The following INTS3 variants were observed in gnomAD, a reference collection of about 807,000 sequenced individuals.
INTS3 encodes the protein SOSS complex subunit A.
Under a neutral mutation model 146.3 loss-of-function variants are expected in INTS3, and 34 were observed. The ratio of observed to expected loss-of-function variants is 0.23; its 90% CI spans 0.18 to 0.31. The LOEUF (loss-of-function observed/expected upper bound fraction) is 0.31, where lower values mean the gene tolerates loss of function less well. INTS3 is among the 10% of genes least tolerant of loss of function. The probability of loss-of-function intolerance (pLI) is 1.00; values close to 1 mark genes in which losing one functional copy is unlikely to be tolerated. For synonymous variants in INTS3, 475 were observed against 494.9 expected, an observed-to-expected ratio of 0.96 and a Z score of 0.53; for missense variants, 757 against 1,304.2, an observed-to-expected ratio of 0.58 and a Z score of 6.46.
chr1:153,759,840 C>G, intron 11 of INTS3: 1 of 564,392 alleles, frequency 1.8e-6, no homozygotes, highest in Non-Finnish European at 3.1e-6. Context: ...GATGCATGGT[C>G]TTCAGGAGGG....
Position 153,772,078 on chromosome 1 carries a change from G to A in INTS3, c.2720+115G>A. ...TGGGGGTCAGTGCTGTCCCAGCCTG[G>A]TTTGTGGGCGACATCTAGTGGTCCG... is the stretch of plus-strand genomic sequence containing the variant. On this transcript the variant is annotated intron_variant, in intron 26 of 29. Transcript: ENST00000318967. The surrounding 1 kb of genome is among the most constrained non-coding windows in gnomAD (Gnocchi z 4.6). 2.5e-6 allele frequency: 3 copies of A among 1,185,884 alleles called. No individual in the cohort carries two copies. The highest frequency in any genetic ancestry group is 3.5e-6 in the Non-Finnish European group (3 of 853,638). 73.5% of individuals were successfully genotyped at this position (1,185,884 alleles called of 1,614,324 possible). A position where few individuals can be genotyped will look rare whatever the true frequency, so the allele number is the denominator to read the frequency against.
chr1:153,767,636 G>A, intron 20 of INTS3, 38 bp from the exon 21 acceptor site: 1 of 1,527,302 alleles, frequency 6.5e-7, no homozygotes, highest in East Asian at 2.4e-5. Flanking sequence ...GTGGGCACTG[G>A]GGTCAGGCTG....
At chr1:153,767,499 C>T in intron 20 of INTS3, 175 bp from the exon 21 acceptor site, 1 of 532,910 alleles carries the variant, frequency 1.9e-6, no homozygotes, top group Non-Finnish European at 3.2e-6. Flanking sequence ...AGAGTATCCC[C>T]TGGTTCCCCT....
At chr1:153,731,018 A>G (rs528838556) in intron 1 of INTS3, among the ~76,000 whole-genome samples, 4 of 152,142 alleles carry the variant, frequency 2.6e-5, no homozygotes, top group South Asian at 2.1e-4. Context: ...TTATTTTCCC[A>G]TCACAGACCT....
At chr1:153,735,421 A>G (rs913712058) in intron 1 of INTS3, among the ~76,000 whole-genome samples, 2 of 152,214 alleles carry the variant, frequency 1.3e-5, no homozygotes, top group Non-Finnish European at 1.5e-5. Context: ...GATTAGCCTA[A>G]GGCTGGCAAG....
chr1:153,762,565 A>T (rs1040486596), intron 14 of INTS3, among the ~76,000 whole-genome samples, 163 bp from the exon 15 acceptor site: 3 of 152,186 alleles, frequency 2.0e-5, no homozygotes, highest in Admixed American at 2.0e-4. Context: ...GGTTGTGAGG[A>T]CAAGAGGTTT....
At position 153,772,204 on chromosome 1, in the gene INTS3, C is replaced by A; in HGVS notation, c.2721-136C>A. ...TCTAGGCACACCTTTCTCACCCAAC[C>A]CCAGCCCTCCCAGGCTGCCTATCCT... On this transcript the variant is annotated intron_variant, in intron 26 of 29. Coordinates refer to ENST00000318967, the MANE Select transcript of INTS3 (RefSeq NM_023015.5). This position sits in a 1 kb window ranked among gnomAD's most constrained non-coding sequence, Gnocchi z 4.6. 1 of 1,072,884 alleles carries A rather than the reference C, an allele frequency of 9.3e-7. No homozygotes were observed. The highest frequency in any genetic ancestry group is 1.4e-6 in the Non-Finnish European group (1 of 737,700). The allele number at this position is 1,072,884 out of a possible 1,614,324, so 66.5% of individuals were successfully genotyped here.
At position 153,772,857 on chromosome 1, in the gene INTS3, G is replaced by C. The variant is rs1344658928; in HGVS notation, c.2895-68G>C. 6.2e-7 allele frequency: 1 copy of C among 1,604,034 alleles called. No homozygotes were observed. Among genetic ancestry groups the C allele is most frequent in the Admixed American group, 1.7e-5 (1 of 59,716 alleles). ...AAGAAGGCCTAGGCCTGGGGGCAGA[G>C]AAGAGGATGGGAGGTGCCGTAGGAG... On this transcript the variant is annotated intron_variant, in intron 28 of 29. Coordinates refer to ENST00000318967, the MANE Select transcript of INTS3 (RefSeq NM_023015.5). This position sits in a 1 kb window ranked among gnomAD's most constrained non-coding sequence, Gnocchi z 4.6.
In INTS3 at chr1:153,773,094, C is replaced by A; in HGVS notation, c.3051+13C>A. The A allele has an allele frequency of 6.2e-7, 1 of 1,614,138 alleles. No individual in the cohort carries two copies. The highest frequency in any genetic ancestry group is 1.1e-5 in the South Asian group (1 of 91,084). On this transcript the variant is annotated intron_variant, in intron 29 of 29. Coordinates refer to ENST00000318967, the MANE Select transcript of INTS3 (RefSeq NM_023015.5). Reference sequence around the variant, plus strand: ...CAGCAGTGCTTCAGTGAGAACCCAGCCAGTGCACAGGGGGAAAAGGAGCAC... The same window carrying A: ...CAGCAGTGCTTCAGTGAGAACCCAGACAGTGCACAGGGGGAAAAGGAGCAC...
Position 153,728,607 on chromosome 1 carries a change from G to C in INTS3, c.-28G>C, listed in dbSNP as rs750230602. 2 of 1,592,088 alleles carry C rather than the reference G, an allele frequency of 1.3e-6. No individual in the cohort carries two copies. Among genetic ancestry groups the C allele is most frequent in the South Asian group, 2.2e-5 (2 of 89,714 alleles). ...AGGACTGTCCATCCATCCACTCCCT[G>C]ACCTTTTCCCGGCTCCTGGCTGCAG... is the stretch of plus-strand genomic sequence containing the variant. On this transcript the variant is annotated 5_prime_UTR_variant, in exon 1 of 30. Transcript: ENST00000318967.
chr1:153,764,094 T>C, intron 17 of INTS3, 24 bp from the exon 18 acceptor site: 2 of 1,586,034 alleles, frequency 1.3e-6, no homozygotes, highest in Non-Finnish European at 1.7e-6. Context: ...GTAGTGACTC[T>C]CCCTCCCTTG....
chr1:153,731,577 C>CTTTTTTTTTTTTT (rs1491428244), intron 1 of INTS3, among the ~76,000 whole-genome samples: 1 of 129,230 alleles, frequency 7.7e-6, no homozygotes, highest in Non-Finnish European at 1.6e-5. Flanking sequence ...CAAGAGCGTC[C>CTTTTTTTTTTTTT]TCTTTTTTTT....
chr1:153,748,398 T>A, intron 5 of INTS3: 1 of 425,096 alleles, frequency 2.4e-6, no homozygotes, highest in East Asian at 4.7e-5. Context: ...TTATATCTAC[T>A]TCTCAGACGT....
chr1:153,752,440 G>A, intron 8 of INTS3, 32 bp downstream of exon 8: 1 of 1,591,110 alleles, frequency 6.3e-7, no homozygotes, highest in Non-Finnish European at 8.5e-7. Context: ...CTGTCCTTGA[G>A]AGCTGGGAGT....
intron 8 of INTS3, 122 bp downstream of exon 8, chr1:153,752,530 C>A: frequency 9.8e-7 from 1 of 1,023,574 alleles, no homozygotes; most frequent in Non-Finnish European, 1.4e-6. Flanking sequence ...TTTAGGAAGC[C>A]TGGGACAGGG....
chr1:153,728,712 G>A lies in INTS3; in HGVS notation c.78G>A (p.Ala26=), dbSNP rs150819290. 8.6e-3 allele frequency: 13,844 copies of A among 1,609,402 alleles called. 101 individuals are homozygous for A. The highest frequency in any genetic ancestry group is 9.1e-3 in the Non-Finnish European group (10,737 of 1,177,732). The change falls in exon 1 of 30, where the codon GCG becomes GCA. Residue 26 remains alanine (A), a synonymous_variant. Coordinates refer to ENST00000318967, the MANE Select transcript of INTS3 (RefSeq NM_023015.5). ...SGAAGGGGGG[A]GAGAPGGGRL... ...CAGCGGGAGGTGGAGGAGGAGGAGC[G>A]GGAGCAGGAGCCCCAGGAGGGGGGA... is the stretch of plus-strand genomic sequence containing the variant.
chr1:153,773,604 A>C lies in INTS3; in HGVS notation c.*334A>C. ...CGCAATCTCCTCCCCCAGTCTCCCA[A>C]AGAGCCATTTCAACAGAGAAGGGAA... is the stretch of plus-strand genomic sequence containing the variant. On this transcript the variant is annotated 3_prime_UTR_variant, in exon 30 of 30. Coordinates refer to ENST00000318967, the MANE Select transcript of INTS3 (RefSeq NM_023015.5). The C allele has an allele frequency of 2.4e-6, 1 of 414,658 alleles. No individual in the cohort carries two copies. The highest frequency in any genetic ancestry group is 4.1e-5 in the East Asian group (1 of 24,360). The allele number at this position is 414,658 out of a possible 1,614,324, so 25.7% of individuals were successfully genotyped here.
chr1:153,731,364 TG>T (rs1247333394), intron 1 of INTS3, among the ~76,000 whole-genome samples: 1 of 152,134 alleles, frequency 6.6e-6, no homozygotes, highest in African/African-American at 2.4e-5. Context: ...TTCTTCTCTT[TG>T]GCCCTGTTTT....
intron 14 of INTS3, 79 bp from the exon 15 acceptor site, chr1:153,762,649 A>C: frequency 1.3e-6 from 2 of 1,550,384 alleles, no homozygotes; most frequent in African/African-American, 2.7e-5. Context: ...CTTGCCCTCC[A>C]TTCTCCCTTC....
Sources: allele counts gnomAD v4.1 joint callset (sites outside exome capture counted in the v4.1 genomes callset), GRCh38; gene constraint gnomAD v4.1.1; non-coding constraint Gnocchi (gnomAD v3.1); transcripts MANE v1.5; gene names NCBI Gene and HGNC (gene_info 2026-07-23, HGNC 2026-07-21).